GJB7: variants seen among roughly 807,000 people sequenced by gnomAD.
The protein encoded by GJB7 is gap junction beta-7 protein.
For synonymous variants in GJB7, 87 were observed against 95.2 expected (o/e 0.91, Z 0.50); for missense variants, 253 against 256.8 (o/e 0.99, Z 0.10).
At chr6:87,291,186 T>C (rs976779880) in intron 2 of GJB7, among the ~76,000 whole-genome samples, 6 of 152,236 alleles carry the variant, frequency 3.9e-5, no homozygotes, top group Non-Finnish European at 7.3e-5. Context: ...GTCTTTTGTC[T>C]GTTAAACTTT....
At chr6:87,316,156 G>A (rs924442358) in intron 2 of GJB7, among the ~76,000 whole-genome samples, 9 of 152,238 alleles carry the variant, frequency 5.9e-5, no homozygotes, top group Middle Eastern at 3.4e-3. Flanking sequence ...ATGAGCTGAT[G>A]CGCAGATATC....
chr6:87,310,275 T>G (rs1016860987), intron 2 of GJB7, among the ~76,000 whole-genome samples: 3 of 152,188 alleles, frequency 2.0e-5, no homozygotes, highest in African/African-American at 7.2e-5. Flanking sequence ...TTAGATATGA[T>G]ATGAAAAGCA....
intron 2 of GJB7, among the ~76,000 whole-genome samples, chr6:87,304,970 C>A (rs543030106): frequency 6.6e-6 from 1 of 152,294 alleles, no homozygotes; most frequent in African/African-American, 2.4e-5. Flanking sequence ...TGAGAAAATT[C>A]AACAGCCCTT....
chr6:87,314,485 G>T (rs1486953390), intron 2 of GJB7, among the ~76,000 whole-genome samples: 3 of 152,204 alleles, frequency 2.0e-5, no homozygotes, highest in African/African-American at 7.2e-5. Flanking sequence ...CTGTGCCTCA[G>T]CACCTTGAGA....
chr6:87,307,214 A>G (rs1353342158), intron 2 of GJB7, among the ~76,000 whole-genome samples: 2 of 150,818 alleles, frequency 1.3e-5, no homozygotes, highest in East Asian at 1.9e-4. Flanking sequence ...AAAAAAAAAA[A>G]CTATTAAAAA....
In GJB7 at chr6:87,283,991, A is replaced by G; in HGVS notation, c.*250T>C. On this transcript the variant is annotated 3_prime_UTR_variant, in exon 3 of 3. Transcript: ENST00000525899. Reference sequence around the variant, plus strand: ...ACAATGAGACCTCTGTCTAGAGCTCATAACTGAAAGCATATTGACAATGTA... The same window carrying G: ...ACAATGAGACCTCTGTCTAGAGCTCGTAACTGAAAGCATATTGACAATGTA... 2 of 452,962 alleles carry G rather than the reference A, an allele frequency of 4.4e-6. No homozygotes were observed. The highest frequency in any genetic ancestry group is 8.0e-6 in the Non-Finnish European group (2 of 250,592). The allele number at this position is 452,962 out of a possible 1,614,324, so 28.1% of individuals were successfully genotyped here. A position where few individuals can be genotyped will look rare whatever the true frequency, so the allele number is the denominator to read the frequency against.
At chr6:87,312,522 A>C (rs111990232) in intron 2 of GJB7, among the ~76,000 whole-genome samples, 72,951 of 143,490 alleles carry the variant, frequency 0.51, 18,548 homozygotes, top group Non-Finnish European at 0.58. Flanking sequence ...AAAAAAAAAA[A>C]CAAAAAAAAA....
intron 2 of GJB7, among the ~76,000 whole-genome samples, chr6:87,305,849 A>C (rs1225922585): frequency 6.6e-6 from 1 of 152,224 alleles, no homozygotes; most frequent in East Asian, 1.9e-4. Context: ...ATGGAAAAGA[A>C]CAGAGCCCTC....
chr6:87,310,794 GA>G (rs1351040777), intron 2 of GJB7, among the ~76,000 whole-genome samples: 1 of 152,104 alleles, frequency 6.6e-6, no homozygotes, highest in Non-Finnish European at 1.5e-5. Context: ...CCAAAATATT[GA>G]ACCTTAACCA....
rs1394861368 is a variant in GJB7 at position 87,322,915 on chromosome 6, CG to C, written c.-78del. 1 of 152,344 alleles carries C rather than the reference CG, an allele frequency of 6.6e-6. No homozygotes were observed. Among genetic ancestry groups the C allele is most frequent in the Non-Finnish European group, 1.5e-5 (1 of 68,170 alleles). 9.4% of individuals were successfully genotyped at this position (152,344 alleles called of 1,614,324 possible). On this transcript the variant is annotated 5_prime_UTR_variant, in exon 2 of 3. The change creates a premature stop within an existing upstream ORF in the 5' untranslated region. Transcript: ENST00000525899. ...GCTTCATCCATGGACACCCCCACCC[CG>C]AGAACTCTCTCGTTTCCTGCAGTTT...
chr6:87,328,720 G>T lies in GJB7; in HGVS notation c.-206+418C>A, dbSNP rs571937555. ...CTGTCTTTTTGTTTGTCTGTGCCCTGCCCCCAGAGGTGGAGCCTACAGAGG... is the reference window on the plus strand; with the variant it reads ...CTGTCTTTTTGTTTGTCTGTGCCCTTCCCCCAGAGGTGGAGCCTACAGAGG... On this transcript the variant is annotated intron_variant, in intron 1 of 2. Transcript: ENST00000525899. Among the ~76,000 whole-genome samples the T allele has an allele frequency of 7.9e-3, 1,210 of 152,280 alleles. 22 individuals carry two copies. The highest frequency in any genetic ancestry group is 0.027 in the African/African-American group (1,106 of 41,560).
At chr6:87,316,573 C>G (rs1562216275) in intron 2 of GJB7, among the ~76,000 whole-genome samples, 1 of 152,196 alleles carries the variant, frequency 6.6e-6, no homozygotes. Flanking sequence ...GAAAGGAGGA[C>G]AACAGCTTGT....
chr6:87,318,119 A>AT (rs34345524), intron 2 of GJB7, among the ~76,000 whole-genome samples: 75,326 of 144,124 alleles, frequency 0.52, 20,001 homozygotes, highest in Non-Finnish European at 0.6. Context: ...TCCCCATTCT[A>AT]TTTTTTTTTT....
intron 2 of GJB7, among the ~76,000 whole-genome samples, chr6:87,313,124 G>A (rs1776534126): frequency 6.6e-6 from 1 of 152,144 alleles, no homozygotes; most frequent in Non-Finnish European, 1.5e-5. Flanking sequence ...AACAATGACG[G>A]TAATCTACAA....
intron 2 of GJB7, among the ~76,000 whole-genome samples, chr6:87,320,722 T>C (rs2127911427): frequency 6.6e-6 from 1 of 152,290 alleles, no homozygotes; most frequent in East Asian, 1.9e-4. Flanking sequence ...CAAAGATGAA[T>C]TCAAAGATTT....
At chr6:87,287,165 C>T (rs1441325497) in intron 2 of GJB7, among the ~76,000 whole-genome samples, 3 of 152,184 alleles carry the variant, frequency 2.0e-5, no homozygotes, top group Non-Finnish European at 4.4e-5. Flanking sequence ...TCTACCATAA[C>T]CTGTAGATAT....
In GJB7 at chr6:87,312,152, A is replaced by G. The variant is rs1207424961; in HGVS notation, c.-28+10714T>C. Among the ~76,000 whole-genome samples, 39 of 152,048 alleles carry G rather than the reference A, an allele frequency of 2.6e-4. 1 individual carries two copies. The highest frequency in any genetic ancestry group is 1.3e-4 in the Non-Finnish European group (9 of 68,028). The stretch of plus-strand genomic sequence containing the variant: ...CTTGTGAAAATCCATCAAGCAGTAG[A>G]CTTAGAATTTGTATGCTTTTCTATT... On this transcript the variant is annotated intron_variant, in intron 2 of 2. Coordinates refer to ENST00000525899, the MANE Select transcript of GJB7 (RefSeq NM_198568.3).
chr6:87,288,846 A>G (rs1405579277), intron 2 of GJB7, among the ~76,000 whole-genome samples: 1 of 152,150 alleles, frequency 6.6e-6, no homozygotes, highest in African/African-American at 2.4e-5. Flanking sequence ...AATCCATGCC[A>G]CCTTCATCTC....
Position 87,284,902 on chromosome 6 carries a change from A to G in GJB7, c.11T>C (p.Met4Thr). The part of the protein sequence containing the change: MSW[M>T]FLRDLLSGVN... ...TCCACTCAGGAGATCTCTGAGGAAC[A>G]TCCAACTCATGACTTAGGCTCAAAA... The change falls in exon 3 of 3, where the codon ATG (methionine) becomes ACG (threonine). Residue 4 changes from methionine to threonine, a missense_variant. Physicochemically the swap from Met to Thr is moderately conservative, Grantham distance 81. Coordinates refer to ENST00000525899, the MANE Select transcript of GJB7 (RefSeq NM_198568.3). 3 of 1,610,970 alleles carry G rather than the reference A, an allele frequency of 1.9e-6. No homozygotes were observed. Among genetic ancestry groups the G allele is most frequent in the Non-Finnish European group, 1.7e-6 (2 of 1,177,440 alleles).
Sources: gnomAD v4.1 joint callset for allele counts (sites outside exome capture counted in the v4.1 genomes callset) on GRCh38, gnomAD v4.1.1 for gene constraint, MANE v1.5 for transcripts, NCBI Gene and HGNC (gene_info 2026-07-23, HGNC 2026-07-21) for gene names.